TMEM71: variants seen among roughly 807,000 people sequenced by gnomAD.
The protein encoded by TMEM71 is transmembrane protein 71.
A neutral mutation model predicts 38.0 loss-of-function variants in TMEM71; 44 were observed. The observed-to-expected ratio is 1.16, with a 90% CI of 0.91 to 1.49. TMEM71 has a LOEUF of 1.49. Ranked by LOEUF, TMEM71 falls within the 40% of genes most tolerant of loss-of-function variation. The pLI is 0.00. For synonymous variants in TMEM71, 133 were observed against 122.5 expected, an observed-to-expected ratio of 1.09 and a Z score of -0.56; for missense variants, 367 against 348.6, an observed-to-expected ratio of 1.05 and a Z score of -0.42.
At position 132,740,705 on chromosome 8, in the gene TMEM71, A is replaced by G. The variant is rs1362942469; in HGVS notation, c.487+6237T>C. Among the ~76,000 whole-genome samples the G allele has an allele frequency of 5.3e-5, 8 of 152,350 alleles. No homozygotes were observed. In the South Asian group the frequency reaches 1.7e-3, roughly 32 times the overall value. ...TCAATTGCATGTAAGGGAAAGGACA[A>G]CGGTGGAGTTGAAGACGCGACCAGC... On this transcript the variant is annotated intron_variant, in intron 5 of 9. Coordinates refer to ENST00000677595, the MANE Select transcript of TMEM71 (RefSeq NM_001382403.1).
upstream of TMEM71, among the ~76,000 whole-genome samples, chr8:132,765,704 T>C (rs932770922): frequency 1.3e-5 from 2 of 152,140 alleles, no homozygotes; most frequent in African/African-American, 2.4e-5. Flanking sequence ...TTTACACAAT[T>C]GCAATTCTGG....
chr8:132,761,292 G>T (rs1829290118), upstream of TMEM71, among the ~76,000 whole-genome samples: 4 of 152,164 alleles, frequency 2.6e-5, no homozygotes, highest in Admixed American at 2.6e-4. Flanking sequence ...CTAGCTGTGT[G>T]ACCTCAGATT....
chr8:132,763,058 T>C (rs1205555018), upstream of TMEM71, among the ~76,000 whole-genome samples: 1 of 152,190 alleles, frequency 6.6e-6, no homozygotes, highest in Admixed American at 6.5e-5. Flanking sequence ...ACGGGTCTAC[T>C]TCAAGATCTT....
At chr8:132,741,346 C>T (rs543286206) in intron 5 of TMEM71, among the ~76,000 whole-genome samples, 1 of 152,176 alleles carries the variant, frequency 6.6e-6, no homozygotes, top group South Asian at 2.1e-4. Flanking sequence ...GGTCTCTCCC[C>T]ATGTGTGGCG....
rs563273973 is a variant in TMEM71 at position 132,739,147 on chromosome 8, A to T, written c.487+7795T>A. ...AATTATTATACACTTAAGTTAATAGATTATTGCATTATACGACTCCTCTAG... is the reference window on the plus strand; with the variant it reads ...AATTATTATACACTTAAGTTAATAGTTTATTGCATTATACGACTCCTCTAG... On this transcript the variant is annotated intron_variant, in intron 5 of 9. Transcript: ENST00000677595. Among the ~76,000 whole-genome samples the T allele has an allele frequency of 2.0e-5, 3 of 152,344 alleles. No homozygotes were observed. In the South Asian group the frequency reaches 6.2e-4, roughly 32 times the overall value.
At chr8:132,740,265 A>G (rs773774304) in intron 5 of TMEM71, among the ~76,000 whole-genome samples, 8 of 152,038 alleles carry the variant, frequency 5.3e-5, no homozygotes, top group Admixed American at 1.3e-4. Context: ...ACTTGCCTGG[A>G]TTGTTCCTCC....
At chr8:132,763,629 T>C (rs539299792), upstream of TMEM71, among the ~76,000 whole-genome samples, 121 of 152,326 alleles carry the variant, frequency 7.9e-4, no homozygotes, top group African/African-American at 2.8e-3. Context: ...CTTGCTACTA[T>C]ACACAGGAAA....
In TMEM71 at chr8:132,751,879, TATA is replaced by T. The variant is rs1318006996; in HGVS notation, c.217_219del (p.Tyr73del). On this transcript the variant is annotated inframe_deletion, in exon 4 of 10. Coordinates refer to ENST00000677595, the MANE Select transcript of TMEM71 (RefSeq NM_001382403.1). ...CACAGGAAGCTGTCTTCAGTCCAAA[TATA>T]GTAGCCATTGGTGAGGAGTCTGGGA... is the stretch of plus-strand genomic sequence containing the variant. The T allele has an allele frequency of 6.2e-7, 1 of 1,614,044 alleles. No individual in the cohort carries two copies. Among genetic ancestry groups the T allele is most frequent in the Admixed American group, 1.7e-5 (1 of 60,010 alleles).
At chr8:132,720,357 G>A (rs2131028157) in intron 7 of TMEM71, among the ~76,000 whole-genome samples, 1 of 152,264 alleles carries the variant, frequency 6.6e-6, no homozygotes, top group East Asian at 1.9e-4. Context: ...ACAGTCCTGT[G>A]AAAGAAAAGA....
At chr8:132,736,816 G>A (rs565684969) in intron 5 of TMEM71, among the ~76,000 whole-genome samples, 94 of 118,518 alleles carry the variant, frequency 7.9e-4, no homozygotes, top group African/African-American at 2.5e-3. Context: ...GGGCAACAGA[G>A]TGAGACTCTG....
At chr8:132,748,054 C>G (rs1478912815) in intron 4 of TMEM71, among the ~76,000 whole-genome samples, 1 of 152,200 alleles carries the variant, frequency 6.6e-6, no homozygotes, top group Non-Finnish European at 1.5e-5. Context: ...GTGTCAAGCC[C>G]TGTGCTGAGC....
chr8:132,761,735 T>C (rs1214989777), upstream of TMEM71, among the ~76,000 whole-genome samples: 1 of 152,248 alleles, frequency 6.6e-6, no homozygotes, highest in Non-Finnish European at 1.5e-5. Flanking sequence ...GAGTTTCCAC[T>C]ACCATGATGA....
At chr8:132,770,900 C>A in the TMEM71 span, among the ~76,000 whole-genome samples, 1 of 152,164 alleles carries the variant, frequency 6.6e-6, no homozygotes, top group Non-Finnish European at 1.5e-5. Flanking sequence ...TGCATTTTAA[C>A]AGACCATCTT....
At chr8:132,772,634 T>C in the TMEM71 span, among the ~76,000 whole-genome samples, 3 of 152,170 alleles carry the variant, frequency 2.0e-5, no homozygotes, top group African/African-American at 7.2e-5. Context: ...CCCTCTCCAC[T>C]TCCCAAAATT....
chr8:132,745,240 A>C (rs1828272810), intron 5 of TMEM71, among the ~76,000 whole-genome samples: 1 of 152,226 alleles, frequency 6.6e-6, no homozygotes, highest in Admixed American at 6.5e-5. Context: ...GTAAATATAC[A>C]ACCTACAGAA....
intron 5 of TMEM71, among the ~76,000 whole-genome samples, chr8:132,743,721 C>A (rs922341319): frequency 1.3e-5 from 2 of 152,032 alleles, no homozygotes; most frequent in African/African-American, 4.8e-5. Flanking sequence ...ACTCAGATTC[C>A]TCCTCTGAGC....
intron 4 of TMEM71, among the ~76,000 whole-genome samples, chr8:132,748,757 A>G (rs1164453619): frequency 6.6e-6 from 1 of 152,264 alleles, no homozygotes; most frequent in Non-Finnish European, 1.5e-5. Context: ...GAGAACAAAA[A>G]GTATGGATGA....
At position 132,751,912 on chromosome 8, in the gene TMEM71, G is replaced by A. The variant is rs762484420; in HGVS notation, c.187C>T (p.Arg63Ter). The A allele has an allele frequency of 1.6e-5, 26 of 1,613,896 alleles. No individual in the cohort carries two copies. The highest frequency in any genetic ancestry group is 1.7e-4 in the Middle Eastern group (1 of 5,988). Residue 63 changes from arginine (R) to a stop codon, truncating the protein, a stop_gained, in exon 4 of 10, where the codon CGA becomes TGA. Coordinates refer to ENST00000677595, the MANE Select transcript of TMEM71 (RefSeq NM_001382403.1). LOFTEE classifies it high-confidence loss of function. ...CCATTGGTGAGGAGTCTGGGACTTC[G>A]GCGACAGGTATAGTGGGAGCCTGTC... is the stretch of plus-strand genomic sequence containing the variant. Reference protein sequence around the residue: ...PLTGSHYTCRRSPRLLTNGYY... With the variant: ...PLTGSHYTCR
At chr8:132,738,985 AG>A (rs1249024537) in intron 5 of TMEM71, among the ~76,000 whole-genome samples, 5 of 152,198 alleles carry the variant, frequency 3.3e-5, no homozygotes, top group African/African-American at 1.2e-4. Flanking sequence ...CAGTGGGCAA[AG>A]CTGGGTGAAG....
Sources: allele counts gnomAD v4.1 joint callset (sites outside exome capture counted in the v4.1 genomes callset), GRCh38; gene constraint gnomAD v4.1.1; transcripts MANE v1.5; gene names NCBI Gene and HGNC (gene_info 2026-07-23, HGNC 2026-07-21).